TOX: variants seen among roughly 807,000 people sequenced by gnomAD.
The protein encoded by TOX is thymocyte selection-associated high mobility group box protein TOX.
A neutral mutation model predicts 53.7 loss-of-function variants in TOX; 11 were observed. The ratio of observed to expected loss-of-function variants is 0.20; its 90% CI spans 0.13 to 0.34. The LOEUF (loss-of-function observed/expected upper bound fraction) is 0.34, where lower values mean the gene tolerates loss of function less well. Among genes scored for constraint, TOX ranks in the 10% least tolerant of loss-of-function variants. The pLI is 1.00. For missense variants in TOX, 570 were observed against 664.6 expected, an observed-to-expected ratio of 0.86 and a Z score of 1.56; for synonymous variants, 225 against 245.3, an observed-to-expected ratio of 0.92 and a Z score of 0.77.
At chr8:59,041,069 A>G in intron 1 of TOX, among the ~76,000 whole-genome samples, 1 of 97,056 alleles carries the variant, frequency 1.0e-5, no homozygotes. Context: ...CATAAAAGGG[A>G]CTCCGTGTGT....
chr8:58,938,455 G>C (rs1265440352), intron 3 of TOX, among the ~76,000 whole-genome samples: 1 of 152,168 alleles, frequency 6.6e-6, no homozygotes, highest in Admixed American at 6.5e-5. Flanking sequence ...GTAAACCTGG[G>C]AGGAGGGTTT....
intron 4 of TOX, among the ~76,000 whole-genome samples, chr8:58,849,683 G>T (rs1366090388): frequency 1.3e-5 from 2 of 152,124 alleles, no homozygotes; most frequent in African/African-American, 4.8e-5. Context: ...ACTGTCAGAG[G>T]ATGCTACTAA....
At chr8:58,867,631 T>C (rs764835236) in intron 3 of TOX, among the ~76,000 whole-genome samples, 1 of 152,234 alleles carries the variant, frequency 6.6e-6, no homozygotes, top group African/African-American at 2.4e-5. Context: ...TTAGGAATCC[T>C]CTTAAAGTGT....
chr8:58,837,856 A>G (rs187820100), intron 5 of TOX, among the ~76,000 whole-genome samples: 11 of 152,350 alleles, frequency 7.2e-5, no homozygotes, highest in Admixed American at 2.0e-4. Context: ...AAAAGTAACT[A>G]AACTATATAA....
At chr8:58,816,030 G>C (rs572269037) in intron 6 of TOX, among the ~76,000 whole-genome samples, 2 of 152,340 alleles carry the variant, frequency 1.3e-5, no homozygotes, top group East Asian at 3.9e-4. Flanking sequence ...TGGAGGGTGG[G>C]GGACGGGAGA....
At chr8:58,899,144 GT>G (rs540626342) in intron 3 of TOX, among the ~76,000 whole-genome samples, 17 of 152,286 alleles carry the variant, frequency 1.1e-4, no homozygotes, top group Middle Eastern at 3.4e-3. Flanking sequence ...GTACATGAAA[GT>G]TCTTTGTAAG....
At chr8:59,083,176 A>G (rs1259750671) in intron 1 of TOX, among the ~76,000 whole-genome samples, 3 of 152,350 alleles carry the variant, frequency 2.0e-5, no homozygotes, top group Admixed American at 6.5e-5. Context: ...AGGGCAGAGG[A>G]AAAAAGAGAA....
chr8:58,846,067 A>G (rs965880595), intron 4 of TOX, among the ~76,000 whole-genome samples: 4 of 152,084 alleles, frequency 2.6e-5, no homozygotes, highest in Admixed American at 2.6e-4. Context: ...TTAATTAAGT[A>G]TGCTCAGTCA....
intron 1 of TOX, among the ~76,000 whole-genome samples, chr8:59,040,180 T>G (rs1490174329): frequency 6.6e-6 from 1 of 151,562 alleles, no homozygotes; most frequent in Non-Finnish European, 1.5e-5. Context: ...ATACAAAAAA[T>G]TAGCCGGGCG....
chr8:58,996,910 T>C (rs1199659355), intron 1 of TOX, among the ~76,000 whole-genome samples: 1 of 152,184 alleles, frequency 6.6e-6, no homozygotes, highest in East Asian at 1.9e-4. Flanking sequence ...ACAGTCCCCA[T>C]TTCAGCCTCC....
chr8:58,981,053 T>G (rs542544200), intron 1 of TOX, among the ~76,000 whole-genome samples: 28 of 152,246 alleles, frequency 1.8e-4, no homozygotes, highest in Non-Finnish European at 3.4e-4. Flanking sequence ...GCAGATCTTT[T>G]CCAAATTAGC....
chr8:58,976,402 C>T (rs1813101268), intron 1 of TOX, among the ~76,000 whole-genome samples: 1 of 152,184 alleles, frequency 6.6e-6, no homozygotes, highest in South Asian at 2.1e-4. Flanking sequence ...TTAGGCTCTA[C>T]TTCTAATTTT....
chr8:59,016,000 A>G (rs1814002063), intron 1 of TOX, among the ~76,000 whole-genome samples: 1 of 152,196 alleles, frequency 6.6e-6, no homozygotes. Flanking sequence ...GATAATCTCT[A>G]GCAGGCGATT....
At chr8:59,064,797 T>G (rs1375953323) in intron 1 of TOX, among the ~76,000 whole-genome samples, 1 of 152,180 alleles carries the variant, frequency 6.6e-6, no homozygotes, top group Non-Finnish European at 1.5e-5. Context: ...ACAAGAAATT[T>G]TACTTCCTTA....
chr8:59,094,769 T>A (rs980284605), intron 1 of TOX, among the ~76,000 whole-genome samples: 15 of 152,150 alleles, frequency 9.9e-5, no homozygotes, highest in Non-Finnish European at 1.8e-4. Context: ...TTCTGAAGAA[T>A]GAGTAGTGTT....
chr8:59,005,821 C>G (rs1280937859), intron 1 of TOX, among the ~76,000 whole-genome samples: 1 of 152,242 alleles, frequency 6.6e-6, no homozygotes, highest in African/African-American at 2.4e-5. Flanking sequence ...CTGGTACCCA[C>G]CAGCCCCTTG....
chr8:58,882,490 C>A (rs1404844509), intron 3 of TOX, among the ~76,000 whole-genome samples: 4 of 152,198 alleles, frequency 2.6e-5, no homozygotes, highest in African/African-American at 9.7e-5. Context: ...CTTAAGAGAA[C>A]TTGACAAAAT....
At chr8:59,047,287 G>T (rs1200820184) in intron 1 of TOX, among the ~76,000 whole-genome samples, 2 of 136,914 alleles carry the variant, frequency 1.5e-5, no homozygotes, top group African/African-American at 5.5e-5. Context: ...CACGATCTCG[G>T]CTCACTGCAA....
chr8:59,114,274 G>A (rs1805065414), intron 1 of TOX, among the ~76,000 whole-genome samples: 1 of 152,106 alleles, frequency 6.6e-6, no homozygotes, highest in Non-Finnish European at 1.5e-5. Flanking sequence ...TAAACTGTGA[G>A]AATACTAAAC....
Sources: allele counts gnomAD v4.1 joint callset (sites outside exome capture counted in the v4.1 genomes callset), GRCh38; gene constraint gnomAD v4.1.1; transcripts MANE v1.5; gene names NCBI Gene and HGNC (gene_info 2026-07-23, HGNC 2026-07-21).